Variants in SOBP observed in about 807,000 individuals in gnomAD.
The protein encoded by SOBP is sine oculis-binding protein homolog.
A neutral mutation model predicts 53.6 loss-of-function variants in SOBP; 4 were observed. That is an observed-to-expected ratio of 0.07 (90% CI 0.04 to 0.17). The LOEUF (loss-of-function observed/expected upper bound fraction) is 0.17, where lower values mean the gene tolerates loss of function less well. Ranked by LOEUF, SOBP falls within the 10% of genes least tolerant of loss-of-function variation. The pLI, the probability that SOBP is intolerant of heterozygous loss-of-function variation, is 1.00. For synonymous variants in SOBP, 584 were observed against 522.6 expected (o/e 1.12, Z -1.60); for missense variants, 1,088 against 1,204.7 (o/e 0.90, Z 1.43).
intron 6 of SOBP, among the ~76,000 whole-genome samples, chr6:107,651,155 TACTC>T (rs1397780866): frequency 2.6e-5 from 4 of 152,140 alleles, no homozygotes; most frequent in Non-Finnish European, 5.9e-5. Context: ...TAGTCCCAAT[TACTC>T]AGGAGGCTGA....
intron 5 of SOBP, among the ~76,000 whole-genome samples, chr6:107,610,988 G>A (rs879808103): frequency 7.9e-5 from 12 of 152,396 alleles, no homozygotes; most frequent in African/African-American, 2.9e-4. Flanking sequence ...GCAGGCTGGA[G>A]AGAGCAGGCT....
chr6:107,616,460 T>TCC (rs2115111285), intron 5 of SOBP, among the ~76,000 whole-genome samples: 1 of 152,292 alleles, frequency 6.6e-6, no homozygotes, highest in East Asian at 1.9e-4. Context: ...TCTTGGGACT[T>TCC]TCAGTACATC....
At chr6:107,491,398 G>A (rs1396843224) in intron 1 of SOBP, among the ~76,000 whole-genome samples, 1 of 152,262 alleles carries the variant, frequency 6.6e-6, no homozygotes, top group African/African-American at 2.4e-5. Context: ...CTGAGGGGCG[G>A]CCTTTGCAGG....
At chr6:107,590,358 A>T (rs939090512) in intron 5 of SOBP, among the ~76,000 whole-genome samples, 3 of 152,258 alleles carry the variant, frequency 2.0e-5, no homozygotes, top group Non-Finnish European at 4.4e-5. Flanking sequence ...TCAAAAGACC[A>T]GTCCAGAGAA....
intron 3 of SOBP, among the ~76,000 whole-genome samples, chr6:107,532,575 A>G (rs1783862417): frequency 2.0e-5 from 3 of 152,216 alleles, no homozygotes; most frequent in African/African-American, 7.2e-5. Flanking sequence ...TCATTATGCT[A>G]GTTAAATTTG....
At chr6:107,577,369 C>T (rs1401681302) in intron 4 of SOBP, among the ~76,000 whole-genome samples, 1 of 152,222 alleles carries the variant, frequency 6.6e-6, no homozygotes, top group Non-Finnish European at 1.5e-5. Context: ...GGCTGGCCAA[C>T]TGGCTTTTGG....
At chr6:107,508,677 A>G (rs1783069412) in intron 3 of SOBP, among the ~76,000 whole-genome samples, 1 of 152,178 alleles carries the variant, frequency 6.6e-6, no homozygotes, top group African/African-American at 2.4e-5. Context: ...TTTGTCTACT[A>G]ATTACTAATG....
intron 4 of SOBP, among the ~76,000 whole-genome samples, chr6:107,542,264 C>T (rs573670745): frequency 6.6e-6 from 1 of 152,080 alleles, no homozygotes; most frequent in African/African-American, 2.4e-5. Context: ...AAGGAAGTGA[C>T]GGAGCTAGTT....
In SOBP at chr6:107,506,155, C is replaced by A. The variant is rs181493882; in HGVS notation, c.236-87C>A. The A allele has an allele frequency of 3.6e-4, 399 of 1,119,146 alleles. No homozygotes were observed. In the East Asian group the frequency reaches 8.3e-3, roughly 23 times the overall value. 69.3% of individuals were successfully genotyped at this position (1,119,146 alleles called of 1,614,324 possible). ...AAGAAAAAATATGTTGGGTTCATGG[C>A]CATTTTACTTGAGAAAATAAGGAAA... On this transcript the variant is annotated intron_variant, in intron 2 of 6. Transcript: ENST00000317357.
At chr6:107,565,122 C>T (rs1266558255) in intron 4 of SOBP, among the ~76,000 whole-genome samples, 1 of 152,222 alleles carries the variant, frequency 6.6e-6, no homozygotes, top group Admixed American at 6.5e-5. Flanking sequence ...AGTATTTCAA[C>T]TCATGCAGTG....
chr6:107,515,836 T>C (rs909750089), intron 3 of SOBP, among the ~76,000 whole-genome samples: 2 of 152,204 alleles, frequency 1.3e-5, no homozygotes, highest in Non-Finnish European at 2.9e-5. Flanking sequence ...AAGCCAATGA[T>C]ATATGCAAAA....
intron 1 of SOBP, among the ~76,000 whole-genome samples, chr6:107,502,535 A>G (rs1192718970): frequency 6.6e-6 from 1 of 152,206 alleles, no homozygotes; most frequent in Non-Finnish European, 1.5e-5. Flanking sequence ...TTTTTGAAGT[A>G]TGATATCCAT....
At chr6:107,570,405 T>C (rs936003736) in intron 4 of SOBP, among the ~76,000 whole-genome samples, 1 of 152,270 alleles carries the variant, frequency 6.6e-6, no homozygotes, top group Non-Finnish European at 1.5e-5. Flanking sequence ...TACCTTGATA[T>C]TCACTGCCTA....
intron 5 of SOBP, among the ~76,000 whole-genome samples, chr6:107,596,595 A>C (rs974481763): frequency 1.3e-5 from 2 of 152,248 alleles, no homozygotes; most frequent in Admixed American, 6.5e-5. Flanking sequence ...CAATTAAGAC[A>C]TACCCCAGAT....
intron 4 of SOBP, among the ~76,000 whole-genome samples, chr6:107,570,814 T>G (rs1562622702): frequency 1.3e-5 from 2 of 152,270 alleles, no homozygotes; most frequent in African/African-American, 4.8e-5. Context: ...CCATTGTAAA[T>G]AGGTCCATAT....
intron 4 of SOBP, among the ~76,000 whole-genome samples, chr6:107,572,154 T>G (rs1785090990): frequency 6.6e-6 from 1 of 152,122 alleles, no homozygotes; most frequent in Non-Finnish European, 1.5e-5. Context: ...AAGATAAGGG[T>G]GGACACATTT....
intron 4 of SOBP, among the ~76,000 whole-genome samples, chr6:107,582,469 C>T (rs1327284990): frequency 6.6e-6 from 1 of 150,750 alleles, no homozygotes; most frequent in East Asian, 1.9e-4. Flanking sequence ...ATGTTAGGCA[C>T]AACATGAAAA....
At chr6:107,650,454 C>T (rs930626085) in intron 6 of SOBP, among the ~76,000 whole-genome samples, 14 of 152,186 alleles carry the variant, frequency 9.2e-5, no homozygotes, top group African/African-American at 3.4e-4. Flanking sequence ...TCTATCAATG[C>T]CATTTTTCCA....
intron 5 of SOBP, among the ~76,000 whole-genome samples, chr6:107,616,891 GGGCAGTGCCATTT>G (rs1786812789): frequency 6.6e-6 from 1 of 152,152 alleles, no homozygotes. Context: ...CTGTCTTCTT[GGGCAGTGCCATTT>G]GCATCCAGGC....
Sources: allele counts gnomAD v4.1 joint callset (sites outside exome capture counted in the v4.1 genomes callset), GRCh38; gene constraint gnomAD v4.1.1; transcripts MANE v1.5; gene names NCBI Gene and HGNC (gene_info 2026-07-23, HGNC 2026-07-21).